Variants in CTBP2 observed in about 807,000 individuals in gnomAD.
CTBP2 encodes the protein C-terminal-binding protein 2.
CTBP2 carries 30 observed loss-of-function variants against 80.3 expected under a neutral mutation model. The ratio of observed to expected loss-of-function variants is 0.37; its 90% CI spans 0.28 to 0.51. CTBP2 has a LOEUF of 0.51. Among genes scored for constraint, CTBP2 ranks in the 20% least tolerant of loss-of-function variants. The pLI is 0.93. For synonymous variants in CTBP2, 594 were observed against 587.4 expected (o/e 1.01, Z -0.16); for missense variants, 1,212 against 1,375.3 (o/e 0.88, Z 1.88).
At chr10:125,117,041 T>G (rs1590884839) in intron 1 of CTBP2, among the ~76,000 whole-genome samples, 1 of 152,194 alleles carries the variant, frequency 6.6e-6, no homozygotes, top group East Asian at 1.9e-4. Context: ...CAGTGGCTCC[T>G]GGTTCACACA....
rs1333674854 is a variant in CTBP2, at chr10:124,991,092, C to T, written c.2778-1394G>A. Among the ~76,000 whole-genome samples, 4 of 152,218 alleles carry T rather than the reference C, an allele frequency of 2.6e-5. No homozygotes were observed. The South Asian group carries it at 6.2e-4, about 24-fold the overall frequency. Reference sequence around the variant, plus strand: ...CCGCCTTCCTCGGAACGCCCAGGCTCGGGCTGGTTTTATATTGCAAGCACG... The same window carrying T: ...CCGCCTTCCTCGGAACGCCCAGGCTTGGGCTGGTTTTATATTGCAAGCACG... On this transcript the variant is annotated intron_variant, in intron 8 of 8. Coordinates refer to ENST00000309035, the MANE Select transcript of CTBP2 (RefSeq NM_022802.3).
intron 1 of CTBP2, among the ~76,000 whole-genome samples, chr10:125,135,012 C>T (rs1292589108): frequency 5.9e-5 from 9 of 152,200 alleles, no homozygotes; most frequent in Admixed American, 5.2e-4. Flanking sequence ...AACCTCAAAC[C>T]TTCCCGTCAT....
Position 124,992,745 on chromosome 10 carries a change from T to C in CTBP2, c.2727A>G (p.Ser909=), listed in dbSNP as rs933220172. 10 of 1,609,520 alleles carry C rather than the reference T, an allele frequency of 6.2e-6. No individual in the cohort carries two copies. The highest frequency in any genetic ancestry group is 4.4e-5 in the South Asian group (4 of 90,198). Residue 909 remains serine (S), a synonymous_variant, in exon 8 of 9, where the codon TCA becomes TCG. Transcript: ENST00000309035. Reference sequence around the variant, plus strand: ...GATGAATTGCTTGCTGGTCTATTACTGACCAAGGCGCTGATGTGACAAAGA... The same window carrying C: ...GATGAATTGCTTGCTGGTCTATTACCGACCAAGGCGCTGATGTGACAAAGA...
At chr10:125,054,902 T>C (rs995076393) in intron 2 of CTBP2, among the ~76,000 whole-genome samples, 12 of 152,066 alleles carry the variant, frequency 7.9e-5, no homozygotes, top group African/African-American at 2.7e-4. Flanking sequence ...ACAACAGCAA[T>C]GCGTACAAGC....
At position 125,078,302 on chromosome 10, in the gene CTBP2, C is replaced by T. The variant is rs1017315948; in HGVS notation, c.-102+32688G>A. On this transcript the variant is annotated intron_variant, in intron 2 of 10. Coordinates refer to the CTBP2 transcript ENST00000337195. ...CTCAAAAAAAAAAAAAAAAAAAAACCTTTCTCATGGGAGGATGGGCTTGGG... is the reference window on the plus strand; with the variant it reads ...CTCAAAAAAAAAAAAAAAAAAAAACTTTTCTCATGGGAGGATGGGCTTGGG... Among the ~76,000 whole-genome samples, 9 of 139,346 alleles carry T rather than the reference C, an allele frequency of 6.5e-5. No homozygotes were observed. In the East Asian group the frequency reaches 1.9e-3, roughly 30 times the overall value. The allele number at this position is 139,346 out of a possible 152,430, so 91.4% of individuals were successfully genotyped here.
intron 3 of CTBP2, among the ~76,000 whole-genome samples, chr10:125,002,649 C>T (rs866640998): frequency 2.6e-5 from 4 of 152,180 alleles, no homozygotes; most frequent in East Asian, 1.9e-4. Flanking sequence ...TGTGGCCAGT[C>T]GCATTCTCCC....
chr10:125,150,024 A>G (rs1323334490), intron 1 of CTBP2, among the ~76,000 whole-genome samples: 1 of 152,258 alleles, frequency 6.6e-6, no homozygotes, highest in Non-Finnish European at 1.5e-5. Flanking sequence ...TGGTTTTCAC[A>G]GGAGTGGTGC....
At chr10:125,116,476 CA>C (rs1041787832) in intron 1 of CTBP2, among the ~76,000 whole-genome samples, 1 of 152,146 alleles carries the variant, frequency 6.6e-6, no homozygotes, top group Non-Finnish European at 1.5e-5. Context: ...TGGCCCCCTT[CA>C]GAAGGGGTGA....
At position 125,039,416 on chromosome 10, in the gene CTBP2, G is replaced by T. The variant is rs920410767; in HGVS notation, c.-101-261C>A. On this transcript the variant is annotated intron_variant, in intron 2 of 10. Coordinates refer to the CTBP2 transcript ENST00000337195. Reference sequence around the variant, plus strand: ...TTTCTGGAAGCAGCAAATTCCAACAGATCTCTTGCTTTTAACTTTAGGGCT... The same window carrying T: ...TTTCTGGAAGCAGCAAATTCCAACATATCTCTTGCTTTTAACTTTAGGGCT... Among the ~76,000 whole-genome samples the T allele has an allele frequency of 3.3e-5, 5 of 152,344 alleles. 1 individual carries two copies. Among genetic ancestry groups the T allele is most frequent in the Admixed American group, 2.0e-4 (3 of 15,308 alleles).
At chr10:125,150,694 G>A (rs1004089615) in intron 1 of CTBP2, among the ~76,000 whole-genome samples, 1 of 151,000 alleles carries the variant, frequency 6.6e-6, no homozygotes, top group African/African-American at 2.4e-5. Context: ...CTGGAGAGCC[G>A]ATCTCAAGGC....
rs770378080 is a variant in CTBP2 at position 125,026,583 on chromosome 10, G to A, written c.1177C>T (p.Gln393Ter). 6.4e-7 allele frequency: 1 copy of A among 1,563,552 alleles called. No individual in the cohort carries two copies. The highest frequency in any genetic ancestry group is 1.2e-5 in the South Asian group (1 of 86,088). ...TCTCCAGCTCGGGGGGATGCTGTCT[G>A]CAGAGGAGCCGCAGCGCCCAGAGAA... is the stretch of plus-strand genomic sequence containing the variant. The change falls in exon 1 of 9, where the codon CAG (glutamine) becomes TAG (stop). Residue 393 changes from glutamine to a stop codon, truncating the protein, a stop_gained. Coordinates refer to ENST00000309035, the MANE Select transcript of CTBP2 (RefSeq NM_022802.3). LOFTEE classifies it high-confidence loss of function.
At chr10:125,124,343 G>C (rs1001536678) in intron 1 of CTBP2, among the ~76,000 whole-genome samples, 14 of 152,106 alleles carry the variant, frequency 9.2e-5, no homozygotes, top group African/African-American at 3.4e-4. Context: ...GTAACTCCCC[G>C]CTGGTTCAAA....
At chr10:125,083,045 C>T (rs1361652280) in intron 2 of CTBP2, among the ~76,000 whole-genome samples, 3 of 152,160 alleles carry the variant, frequency 2.0e-5, no homozygotes, top group African/African-American at 7.2e-5. Context: ...GCACAGGGTC[C>T]ATCTCTCTGG....
chr10:125,042,915 G>A (rs894603383), intron 2 of CTBP2, among the ~76,000 whole-genome samples: 3 of 152,070 alleles, frequency 2.0e-5, no homozygotes, highest in Non-Finnish European at 4.4e-5. Flanking sequence ...CCTCCCAAAA[G>A]GAAAGTTACG....
intron 2 of CTBP2, among the ~76,000 whole-genome samples, chr10:125,108,539 T>G (rs1851807415): frequency 6.6e-6 from 1 of 152,176 alleles, no homozygotes. Context: ...ATGACCTCCT[T>G]GTGTTGCTGC....
chr10:125,016,424 A>C (rs1043816349), intron 1 of CTBP2, among the ~76,000 whole-genome samples: 2 of 152,206 alleles, frequency 1.3e-5, no homozygotes, highest in African/African-American at 4.8e-5. Context: ...TGTTCCAGAG[A>C]AATGAACAAC....
intron 1 of CTBP2, among the ~76,000 whole-genome samples, chr10:125,144,028 G>GTCAC (rs1858304000): frequency 6.6e-6 from 1 of 152,206 alleles, no homozygotes; most frequent in East Asian, 1.9e-4. Context: ...CCAGAAAGCA[G>GTCAC]TCACTCAAAC....
intron 1 of CTBP2, among the ~76,000 whole-genome samples, chr10:125,022,351 A>G (rs1402205875): frequency 1.8e-4 from 28 of 152,254 alleles, no homozygotes; most frequent in Admixed American, 1.8e-3. Flanking sequence ...TGGCCCCCAG[A>G]CCAGAGAGCA....
chr10:125,131,307 C>A (rs963969854), intron 1 of CTBP2, among the ~76,000 whole-genome samples: 1 of 152,182 alleles, frequency 6.6e-6, no homozygotes, highest in African/African-American at 2.4e-5. Context: ...AATTTTACAG[C>A]CCGACTTGCT....
Sources: gnomAD v4.1 joint callset for allele counts (sites outside exome capture counted in the v4.1 genomes callset) on GRCh38, gnomAD v4.1.1 for gene constraint, MANE v1.5 for transcripts, NCBI Gene and HGNC (gene_info 2026-07-23, HGNC 2026-07-21) for gene names.